TCAIM: variants seen among roughly 807,000 people sequenced by gnomAD.
TCAIM encodes the protein T-cell activation inhibitor, mitochondrial.
A neutral mutation model predicts 58.6 loss-of-function variants in TCAIM; 36 were observed. That is an observed-to-expected ratio of 0.61 (90% CI 0.47 to 0.81). The LOEUF is 0.81. Among genes scored for constraint, TCAIM ranks in the 30% least tolerant of loss-of-function variants. TCAIM has a pLI of 0.00. For synonymous variants in TCAIM, 172 were observed against 193.6 expected (o/e 0.89, Z 0.93); for missense variants, 466 against 579.6 (o/e 0.80, Z 2.01).
intron 1 of TCAIM, chr3:44,339,756 G>A (rs991048287): frequency 6.6e-6 from 1 of 152,108 alleles, no homozygotes; most frequent in African/African-American, 2.4e-5. Context: ...TTGCGTCTGG[G>A]AGTTTCTCAT....
intron 1 of TCAIM, among the ~76,000 whole-genome samples, chr3:44,342,934 C>T (rs544682333): frequency 8.0e-4 from 122 of 151,956 alleles, no homozygotes; most frequent in Non-Finnish European, 1.1e-3. Context: ...GTCAGGAGTT[C>T]GAGACCAGCC....
At chr3:44,365,133 T>G (rs191312447) in intron 4 of TCAIM, among the ~76,000 whole-genome samples, 1 of 152,298 alleles carries the variant, frequency 6.6e-6, no homozygotes, top group Non-Finnish European at 1.5e-5. Flanking sequence ...TAACCTCCAG[T>G]GCAGCAATTT....
chr3:44,408,005 AAAT>A lies in TCAIM; in HGVS notation c.*330_*332del, dbSNP rs1702127115. 5.9e-6 allele frequency: 1 copy of A among 169,506 alleles called. No individual in the cohort carries two copies. The highest frequency in any genetic ancestry group is 2.0e-4 in the South Asian group (1 of 5,008). 10.5% of individuals were successfully genotyped at this position (169,506 alleles called of 1,614,324 possible). A position where few individuals can be genotyped will look rare whatever the true frequency, so the allele number is the denominator to read the frequency against. ...CAACAGAACAAGACCTTGTCTCAAA[AAAT>A]AATAATGATAATTTAAAATAAATAA... On this transcript the variant is annotated 3_prime_UTR_variant, in exon 11 of 11. Coordinates refer to ENST00000342649, the MANE Select transcript of TCAIM (RefSeq NM_173826.4).
chr3:44,350,687 C>T (rs750977890), intron 1 of TCAIM, among the ~76,000 whole-genome samples: 1 of 152,056 alleles, frequency 6.6e-6, no homozygotes, highest in Non-Finnish European at 1.5e-5. Context: ...TGCAGCCTCC[C>T]GAATTCCTGG....
intron 1 of TCAIM, among the ~76,000 whole-genome samples, chr3:44,352,242 A>G (rs1418822967): frequency 6.6e-5 from 10 of 152,046 alleles, no homozygotes; most frequent in Admixed American, 6.6e-4. Flanking sequence ...TCAGAGCTCA[A>G]TTACATGGGG....
chr3:44,377,369 A>G (rs1701582334), intron 5 of TCAIM, among the ~76,000 whole-genome samples: 1 of 152,218 alleles, frequency 6.6e-6, no homozygotes, highest in African/African-American at 2.4e-5. Flanking sequence ...ATCAAAATAT[A>G]TGAAGCAAAA....
chr3:44,407,886 AG>A lies in TCAIM; in HGVS notation c.*205del, dbSNP rs1263208492. ...CGTGGTGGCTCATGCCTGCGGTCCCAGCTACTTAGGGAGGCTAAGATAGGAG... is the reference window on the plus strand; with the variant it reads ...CGTGGTGGCTCATGCCTGCGGTCCCACTACTTAGGGAGGCTAAGATAGGAG... On this transcript the variant is annotated 3_prime_UTR_variant, in exon 11 of 11. Coordinates refer to ENST00000342649, the MANE Select transcript of TCAIM (RefSeq NM_173826.4). The A allele has an allele frequency of 4.1e-6, 2 of 487,100 alleles. No homozygotes were observed. The highest frequency in any genetic ancestry group is 3.4e-6 in the Non-Finnish European group (1 of 294,408). The allele number at this position is 487,100 out of a possible 1,614,324, so 30.2% of individuals were successfully genotyped here.
At position 44,370,972 on chromosome 3, in the gene TCAIM, C is replaced by T. The variant is rs148413414; in HGVS notation, c.572+3264C>T. On this transcript the variant is annotated intron_variant, in intron 5 of 10. Transcript: ENST00000342649. ...TGTTGCCCAGGCTGGAGTGCAATGGCCCTATCTCGGCTCACTGCAACCTCT... is the reference window on the plus strand; with the variant it reads ...TGTTGCCCAGGCTGGAGTGCAATGGTCCTATCTCGGCTCACTGCAACCTCT... Among the ~76,000 whole-genome samples the T allele has an allele frequency of 1.1e-4, 17 of 149,112 alleles. No homozygotes were observed. The East Asian group carries it at 3.4e-3, about 30-fold the overall frequency.
At chr3:44,383,545 A>T (rs912647145) in intron 5 of TCAIM, among the ~76,000 whole-genome samples, 1 of 152,118 alleles carries the variant, frequency 6.6e-6, no homozygotes, top group Non-Finnish European at 1.5e-5. Flanking sequence ...GACTGGAGGG[A>T]GGGGAAGGGG....
chr3:44,379,570 C>T (rs998606377), intron 5 of TCAIM, among the ~76,000 whole-genome samples: 1 of 152,156 alleles, frequency 6.6e-6, no homozygotes, highest in African/African-American at 2.4e-5. Flanking sequence ...ATGTCCTTTG[C>T]AGGAACATGG....
At position 44,397,486 on chromosome 3, in the gene TCAIM, C is replaced by T. The variant is rs112245072; in HGVS notation, c.885+652C>T. On this transcript the variant is annotated intron_variant, in intron 8 of 10. Coordinates refer to ENST00000342649, the MANE Select transcript of TCAIM (RefSeq NM_173826.4). ...GGGAGTTTATTCCTTTTTATTACTG[C>T]GTACTATTTCATGGTATAAATATAC... Among the ~76,000 whole-genome samples, 74 of 152,200 alleles carry T rather than the reference C, an allele frequency of 4.9e-4. 1 individual carries two copies. Among genetic ancestry groups the T allele is most frequent in the Admixed American group, 3.6e-3 (55 of 15,284 alleles).
chr3:44,367,831 C>A, intron 5 of TCAIM, 123 bp downstream of exon 5: 1 of 982,644 alleles, frequency 1.0e-6, no homozygotes, highest in Non-Finnish European at 1.4e-6. Flanking sequence ...AAAATTAAAA[C>A]CTAATTTTCC....
At chr3:44,374,880 G>A (rs1052606549) in intron 5 of TCAIM, among the ~76,000 whole-genome samples, 1 of 152,194 alleles carries the variant, frequency 6.6e-6, no homozygotes, top group African/African-American at 2.4e-5. Flanking sequence ...GCCTAGGAGT[G>A]TAAAATTTAT....
intron 5 of TCAIM, among the ~76,000 whole-genome samples, chr3:44,389,966 A>G (rs545106297): frequency 1.2e-4 from 19 of 152,196 alleles, no homozygotes; most frequent in African/African-American, 4.3e-4. Context: ...TCTCTCACCT[A>G]CCTGGAAAGA....
intron 1 of TCAIM, among the ~76,000 whole-genome samples, chr3:44,354,331 G>T (rs1234449706): frequency 6.6e-6 from 1 of 152,170 alleles, no homozygotes; most frequent in Non-Finnish European, 1.5e-5. Context: ...AGTGAGTCTT[G>T]AAATAAAGTA....
Position 44,346,961 on chromosome 3 carries a change from A to T in TCAIM, c.-44-7778A>T, listed in dbSNP as rs569423751. Among the ~76,000 whole-genome samples the T allele has an allele frequency of 3.3e-5, 5 of 152,218 alleles. No homozygotes were observed. In the South Asian group the frequency reaches 1.0e-3, roughly 32 times the overall value. ...AAGGGGAGCAGGGAAAGGATTTAGGATTTATGGTGTCAGCTAGGTTTCCTT... is the reference window on the plus strand; with the variant it reads ...AAGGGGAGCAGGGAAAGGATTTAGGTTTTATGGTGTCAGCTAGGTTTCCTT... On this transcript the variant is annotated intron_variant, in intron 1 of 10. Coordinates refer to ENST00000342649, the MANE Select transcript of TCAIM (RefSeq NM_173826.4).
intron 6 of TCAIM, among the ~76,000 whole-genome samples, chr3:44,395,926 G>A (rs1701925911): frequency 6.6e-6 from 1 of 152,234 alleles, no homozygotes; most frequent in African/African-American, 2.4e-5. Flanking sequence ...GGTCAAGGCT[G>A]CAGTGAGCCG....
intron 5 of TCAIM, among the ~76,000 whole-genome samples, chr3:44,378,481 G>A (rs1701602516): frequency 6.6e-6 from 1 of 151,720 alleles, no homozygotes; most frequent in South Asian, 2.1e-4. Flanking sequence ...AGATGTACAT[G>A]CAGCCAACAG....
intron 10 of TCAIM, among the ~76,000 whole-genome samples, chr3:44,406,128 G>C (rs1702097077): frequency 6.6e-6 from 1 of 152,054 alleles, no homozygotes; most frequent in African/African-American, 2.4e-5. Flanking sequence ...GGGTTCTCCT[G>C]ATATAAAGCT....
Sources: gnomAD v4.1 joint callset for allele counts (sites outside exome capture counted in the v4.1 genomes callset) on GRCh38, gnomAD v4.1.1 for gene constraint, MANE v1.5 for transcripts, NCBI Gene and HGNC (gene_info 2026-07-23, HGNC 2026-07-21) for gene names.